Variants in SEMA4B observed in about 807,000 individuals in gnomAD.
SEMA4B encodes semaphorin-4B.
In SEMA4B, 55 loss-of-function variants were observed where a neutral mutation model predicts 88.1. That is an observed-to-expected ratio of 0.62 (90% CI 0.50 to 0.78). The LOEUF is 0.78. Among genes scored for constraint, SEMA4B ranks in the 30% least tolerant of loss-of-function variants. The pLI is 0.00. For missense variants in SEMA4B, 1,062 were observed against 1,111.9 expected (o/e 0.96, Z 0.64); for synonymous variants, 525 against 473.6 (o/e 1.11, Z -1.41).
At chr15:90,204,156 C>T (rs1265471928) in intron 1 of SEMA4B, among the ~76,000 whole-genome samples, 2 of 150,622 alleles carry the variant, frequency 1.3e-5, no homozygotes, top group African/African-American at 5.0e-5. Flanking sequence ...TGGGCAGGCT[C>T]GTGGTGACCA....
At chr15:90,198,017 C>T (rs1483245670), upstream of SEMA4B, among the ~76,000 whole-genome samples, 4 of 151,214 alleles carry the variant, frequency 2.6e-5, no homozygotes, top group African/African-American at 7.3e-5. Flanking sequence ...AGCTCCACCT[C>T]CCGGGTTCGC....
intron 13 of SEMA4B, 59 bp from the exon 14 acceptor site, chr15:90,227,845 G>T: frequency 1.9e-6 from 3 of 1,599,696 alleles, no homozygotes; most frequent in South Asian, 1.1e-5. Flanking sequence ...GGAGGCAGGG[G>T]AGCTTGGAGC....
In SEMA4B at chr15:90,225,073, C is replaced by T. The variant is rs1962075885; in HGVS notation, c.1300C>T (p.Arg434Ter). The change falls in exon 10 of 14, where the codon CGA becomes TGA. Residue 434 changes from arginine to a stop codon, truncating the protein, a stop_gained. Coordinates refer to ENST00000411539, the MANE Select transcript of SEMA4B (RefSeq NM_198925.4). LOFTEE classifies it high-confidence loss of function. ...CCACTTCCTGATGGACGGGCAGGTC[C>T]GAAGCCGCATGCTGCTGCTGCAGCC... ...KDHFLMDGQVRSRMLLLQPQA... is the reference protein window; with the variant it reads ...KDHFLMDGQV The T allele has an allele frequency of 1.9e-6, 3 of 1,613,748 alleles. No individual in the cohort carries two copies. The highest frequency in any genetic ancestry group is 2.5e-6 in the Non-Finnish European group (3 of 1,179,842).
At chr15:90,206,622 T>C (rs1961003114) in intron 1 of SEMA4B, 4 of 622,850 alleles carry the variant, frequency 6.4e-6, no homozygotes, top group Non-Finnish European at 8.8e-6. Context: ...AATGCTGCTT[T>C]ACAAGAGCTG....
At position 90,225,706 on chromosome 15, in the gene SEMA4B, A is replaced by G. The variant is rs749079554; in HGVS notation, c.1567A>G (p.Met523Val). 6 of 1,567,932 alleles carry G rather than the reference A, an allele frequency of 3.8e-6. No homozygotes were observed. Among genetic ancestry groups the G allele is most frequent in the South Asian group, 1.2e-5 (1 of 85,216 alleles). ...ACACTCGGGCGTAGTCCAGGTGCCC[A>G]TGGCCAACTGCAGCCTGTACAGGAG... ...ASHSGVVQVP[M>V]ANCSLYRSCG... Residue 523 changes from methionine (M) to valine (V), a missense_variant, in exon 12 of 14, where the codon ATG (methionine) becomes GTG (valine). Transcript: ENST00000411539.
rs1253998202 is a variant in SEMA4B at position 90,221,717 on chromosome 15, T to G, written c.813T>G (p.Phe271Leu). ...TCTTCAGCGAGACTGGCCAGGAATT[T>G]GAGTTCTTTGAGAACACCATTGTGT... ...YFFFSETGQE[F>L]EFFENTIVSR... The change falls in exon 7 of 14, where the codon TTT becomes TTG. Residue 271 changes from phenylalanine (F) to leucine (L), a missense_variant. By Grantham distance (22) the Phe-to-Leu change is conservative. Coordinates refer to ENST00000411539, the MANE Select transcript of SEMA4B (RefSeq NM_198925.4). 6.2e-7 allele frequency: 1 copy of G among 1,613,994 alleles called. No homozygotes were observed. The highest frequency in any genetic ancestry group is 1.1e-5 in the South Asian group (1 of 91,086).
chr15:90,222,996 G>A (rs1379594810), intron 7 of SEMA4B, among the ~76,000 whole-genome samples: 1 of 138,830 alleles, frequency 7.2e-6, no homozygotes, highest in Non-Finnish European at 1.5e-5. Flanking sequence ...TTTGAGACAG[G>A]GTCTCACTTT....
chr15:90,226,125 G>A (rs1161662211), intron 12 of SEMA4B, among the ~76,000 whole-genome samples: 1 of 152,112 alleles, frequency 6.6e-6, no homozygotes, highest in East Asian at 1.9e-4. Context: ...TAATAGTAGG[G>A]CTAGGAAACA....
At chr15:90,197,928 TA>T (rs530331914), upstream of SEMA4B, among the ~76,000 whole-genome samples, 689 of 149,284 alleles carry the variant, frequency 4.6e-3, 10 homozygotes, top group African/African-American at 0.017. Context: ...ATTAATTAAT[TA>T]ATTTTTTTTT....
At chr15:90,224,070 C>A in intron 9 of SEMA4B, 82 bp downstream of exon 9, 2 of 1,377,514 alleles carry the variant, frequency 1.5e-6, no homozygotes, top group Non-Finnish European at 2.0e-6. Context: ...GGCTGCCTAG[C>A]CTCGGGCAGA....
rs558291318 is a variant in SEMA4B, at chr15:90,192,071, G to C, written c.-122+6990G>C. ...TCAGGGCTACAAGGGGATGGTGGTG[G>C]GGGGCCAAGGCCTGGAGAGCTGGGC... is the stretch of plus-strand genomic sequence containing the variant. On this transcript the variant is annotated intron_variant, in intron 1 of 14. Transcript: ENST00000332496. The C allele has an allele frequency of 2.6e-5, 4 of 153,006 alleles. No homozygotes were observed. The East Asian group carries it at 7.7e-4, about 29-fold the overall frequency. 9.5% of individuals were successfully genotyped at this position (153,006 alleles called of 1,614,324 possible). A position where few individuals can be genotyped will look rare whatever the true frequency, so the allele number is the denominator to read the frequency against.
At chr15:90,187,499 G>A (rs1960200109) in intron 1 of SEMA4B, among the ~76,000 whole-genome samples, 1 of 152,216 alleles carries the variant, frequency 6.6e-6, no homozygotes, top group South Asian at 2.1e-4. Flanking sequence ...GAGAAGGGAA[G>A]AGAGGGATGT....
chr15:90,188,653 A>C (rs149194073), intron 1 of SEMA4B, among the ~76,000 whole-genome samples: 9 of 151,958 alleles, frequency 5.9e-5, no homozygotes, highest in Non-Finnish European at 1.2e-4. Flanking sequence ...ATAAAAATAA[A>C]TGTAGATCAG....
At position 90,201,524 on chromosome 15, in the gene SEMA4B, T is replaced by C; in HGVS notation, c.-55T>C. 7.4e-7 allele frequency: 1 copy of C among 1,343,950 alleles called. No homozygotes were observed. The highest frequency in any genetic ancestry group is 1.8e-5 in the South Asian group (1 of 54,214). The allele number at this position is 1,343,950 out of a possible 1,614,324, so 83.3% of individuals were successfully genotyped here. A position where few individuals can be genotyped will look rare whatever the true frequency, so the allele number is the denominator to read the frequency against. ...GCGGGGCGGAGCTGCCGCCCGTGAG[T>C]CCGGCCGAGCCACCTGAGCCCGAGC... is the stretch of plus-strand genomic sequence containing the variant. On this transcript the variant is annotated 5_prime_UTR_variant, in exon 1 of 14. Transcript: ENST00000411539.
In SEMA4B at chr15:90,201,852, T is replaced by A. The variant is rs111751414; in HGVS notation, c.157+117T>A. On this transcript the variant is annotated intron_variant, in intron 1 of 13. Transcript: ENST00000411539. ...GAGGGGACCTGTCGGAGGCACGGGA[T>A]CCATTAGGACCCCTTCTTTTTTCAA... 6,706 of 1,028,690 alleles carry A rather than the reference T, an allele frequency of 6.5e-3. 317 individuals are homozygous for A. In the African/African-American group the frequency reaches 0.1, roughly 16 times the overall value. The allele number at this position is 1,028,690 out of a possible 1,614,324, so 63.7% of individuals were successfully genotyped here.
At chr15:90,224,137 G>T in intron 9 of SEMA4B, 149 bp downstream of exon 9, 1 of 697,622 alleles carries the variant, frequency 1.4e-6, no homozygotes, top group Non-Finnish European at 2.3e-6. Context: ...ATAGGCCCAG[G>T]CCTGCTTGTG....
At chr15:90,200,781 A>T (rs1960674579), upstream of SEMA4B, among the ~76,000 whole-genome samples, 1 of 152,224 alleles carries the variant, frequency 6.6e-6, no homozygotes, top group African/African-American at 2.4e-5. Flanking sequence ...TATTAAGCGG[A>T]CAAGCCCGCA....
chr15:90,213,880 C>T (rs1037539635), intron 1 of SEMA4B, among the ~76,000 whole-genome samples: 19 of 152,216 alleles, frequency 1.2e-4, no homozygotes, highest in African/African-American at 4.1e-4. Context: ...TCATTCCTCC[C>T]GTGACATGTA....
chr15:90,201,363 C>CG lies in SEMA4B; in HGVS notation c.-212dup. 8.0e-7 allele frequency: 1 copy of CG among 1,245,572 alleles called. No homozygotes were observed. The highest frequency in any genetic ancestry group is 1.0e-6 in the Non-Finnish European group (1 of 994,730). 77.2% of individuals were successfully genotyped at this position (1,245,572 alleles called of 1,614,324 possible). On this transcript the variant is annotated 5_prime_UTR_variant, in exon 1 of 14. Transcript: ENST00000411539. The stretch of plus-strand genomic sequence containing the variant: ...GTGAGCTCTGCCCAAGCCGAGGCTG[C>CG]GGGGCCGGCGCCGGCGGGAGGACTG...
Sources: allele counts gnomAD v4.1 joint callset (sites outside exome capture counted in the v4.1 genomes callset), GRCh38; gene constraint gnomAD v4.1.1; transcripts MANE v1.5; gene names NCBI Gene and HGNC (gene_info 2026-07-23, HGNC 2026-07-21).